Variants in MAP3K13 observed in about 807,000 individuals in gnomAD.
MAP3K13 encodes the protein leucine zipper-bearing kinase.
A neutral mutation model predicts 104.0 loss-of-function variants in MAP3K13; 52 were observed. That is an observed-to-expected ratio of 0.50 (90% CI 0.40 to 0.63). The LOEUF (loss-of-function observed/expected upper bound fraction) is 0.63, where lower values mean the gene tolerates loss of function less well. Ranked by LOEUF, MAP3K13 falls within the 20% of genes least tolerant of loss-of-function variation. The pLI is 0.00. For missense variants in MAP3K13, 914 were observed against 1,218.5 expected (o/e 0.75, Z 3.72); for synonymous variants, 394 against 442.2 (o/e 0.89, Z 1.37).
intron 3 of MAP3K13, among the ~76,000 whole-genome samples, chr3:185,442,552 GAGAC>G (rs1378040138): frequency 2.3e-5 from 3 of 131,168 alleles, no homozygotes; most frequent in Non-Finnish European, 3.3e-5. Context: ...TTTTTTTTCT[GAGAC>G]AGAGTCTCAC....
At chr3:185,326,511 C>T (rs1259140736) in intron 2 of MAP3K13, among the ~76,000 whole-genome samples, 2 of 152,122 alleles carry the variant, frequency 1.3e-5, no homozygotes, top group African/African-American at 4.8e-5. Context: ...TTACTATGTT[C>T]CAGGCACAGG....
At chr3:185,465,943 G>A in intron 9 of MAP3K13, 80 bp downstream of exon 9, 1 of 1,026,074 alleles carries the variant, frequency 9.7e-7, no homozygotes, top group South Asian at 1.3e-5. Flanking sequence ...CCATGTTGCT[G>A]CTACTCAGAA....
chr3:185,343,782 TA>T (rs1287915526), intron 2 of MAP3K13, among the ~76,000 whole-genome samples: 1 of 152,094 alleles, frequency 6.6e-6, no homozygotes, highest in East Asian at 1.9e-4. Flanking sequence ...AATGGAATAA[TA>T]AAAATCAGGA....
rs528497643 is a variant in MAP3K13, at chr3:185,464,433, C to T, written c.1388+774C>T. On this transcript the variant is annotated intron_variant, in intron 8 of 13. Coordinates refer to ENST00000265026, the MANE Select transcript of MAP3K13 (RefSeq NM_004721.5). ...GGTGGAGGTAACTGGATCTTGGGGG[C>T]GGCTTCCCCCATGCTGTTTTTGTGA... is the stretch of plus-strand genomic sequence containing the variant. Among the ~76,000 whole-genome samples, 22 of 152,232 alleles carry T rather than the reference C, an allele frequency of 1.4e-4. No homozygotes were observed. The South Asian group carries it at 2.5e-3, about 17-fold the overall frequency.
chr3:185,387,362 CCTCT>C (rs1391560448), intron 1 of MAP3K13, among the ~76,000 whole-genome samples: 1 of 152,070 alleles, frequency 6.6e-6, no homozygotes, highest in Non-Finnish European at 1.5e-5. Flanking sequence ...TCTGTTGCTT[CCTCT>C]CTCTCTATGT....
intron 1 of MAP3K13, among the ~76,000 whole-genome samples, chr3:185,370,485 T>G (rs11707742): frequency 6.6e-6 from 1 of 151,692 alleles, no homozygotes; most frequent in Non-Finnish European, 1.5e-5. Flanking sequence ...CGTGACCCAC[T>G]GCGCCCGGTC....
intron 1 of MAP3K13, among the ~76,000 whole-genome samples, chr3:185,425,167 A>C (rs1446282729): frequency 2.0e-5 from 3 of 152,018 alleles, no homozygotes; most frequent in Non-Finnish European, 4.4e-5. Flanking sequence ...CTTTCTTCCA[A>C]TCTCTCTCTA....
At chr3:185,376,374 G>A (rs1484367697) in intron 1 of MAP3K13, among the ~76,000 whole-genome samples, 2 of 152,052 alleles carry the variant, frequency 1.3e-5, no homozygotes, top group African/African-American at 2.4e-5. Context: ...TGATTTTGAG[G>A]GCCTCTAAAA....
chr3:185,461,708 G>A (rs1421895073), intron 7 of MAP3K13, among the ~76,000 whole-genome samples: 1 of 151,962 alleles, frequency 6.6e-6, no homozygotes, highest in Non-Finnish European at 1.5e-5. Flanking sequence ...CATTGCAGGG[G>A]CAGGCCACCA....
At chr3:185,385,295 C>T (rs1175956208) in intron 1 of MAP3K13, among the ~76,000 whole-genome samples, 1 of 152,134 alleles carries the variant, frequency 6.6e-6, no homozygotes, top group Non-Finnish European at 1.5e-5. Flanking sequence ...GGATTACAGG[C>T]ATGCACCACC....
rs115081362 is a variant in MAP3K13, at chr3:185,394,009, G to T, written c.-86+30641G>T. On this transcript the variant is annotated intron_variant, in intron 1 of 13. Coordinates refer to ENST00000265026, the MANE Select transcript of MAP3K13 (RefSeq NM_004721.5). ...CAAGTGTGGCCACTTATTCAAGGAG[G>T]TTGAGGGGGCATTTAGCCAAGATGT... 1.2e-3 allele frequency among the ~76,000 whole-genome samples: 179 copies of T among 152,272 alleles called. 1 individual carries two copies. The highest frequency in any genetic ancestry group is 4.0e-3 in the African/African-American group (166 of 41,560).
At position 185,423,891 on chromosome 3, in the gene MAP3K13, C is replaced by G. The variant is rs1449858101; in HGVS notation, c.-85-4606C>G. ...TCCCGCTTCCCTGCCTCTGCCAGTGCTCTTGTTCGCCCCTGATTTCCTTCC... is the reference window on the plus strand; with the variant it reads ...TCCCGCTTCCCTGCCTCTGCCAGTGGTCTTGTTCGCCCCTGATTTCCTTCC... On this transcript the variant is annotated intron_variant, in intron 1 of 13. Transcript: ENST00000265026. This position sits in a 1 kb window ranked among gnomAD's most constrained non-coding sequence, Gnocchi z 4.1. Among the ~76,000 whole-genome samples the G allele has an allele frequency of 6.6e-6, 1 of 152,192 alleles. No homozygotes were observed. Among genetic ancestry groups the G allele is most frequent in the East Asian group, 1.9e-4 (1 of 5,196 alleles).
chr3:185,367,720 C>T (rs916615158), intron 1 of MAP3K13, among the ~76,000 whole-genome samples: 30 of 151,932 alleles, frequency 2.0e-4, no homozygotes, highest in Non-Finnish European at 2.8e-4. Flanking sequence ...CCTCAGGCTC[C>T]GAATACCTGG....
chr3:185,371,808 G>C (rs1724176321), intron 1 of MAP3K13, among the ~76,000 whole-genome samples: 1 of 152,074 alleles, frequency 6.6e-6, no homozygotes, highest in South Asian at 2.1e-4. Context: ...GTCCTAAAGG[G>C]GGGCTGTCAC....
intron 1 of MAP3K13, among the ~76,000 whole-genome samples, chr3:185,388,789 A>G (rs1017508388): frequency 5.3e-5 from 8 of 152,212 alleles, no homozygotes; most frequent in Admixed American, 4.6e-4. Flanking sequence ...AAAATACACT[A>G]CAAAGGCATA....
At chr3:185,327,104 C>T (rs1380840926) in intron 2 of MAP3K13, among the ~76,000 whole-genome samples, 2 of 152,112 alleles carry the variant, frequency 1.3e-5, no homozygotes, top group African/African-American at 4.8e-5. Flanking sequence ...GTCATCAGGG[C>T]GGACACTCTG....
intron 1 of MAP3K13, among the ~76,000 whole-genome samples, chr3:185,378,493 G>A (rs899740383): frequency 2.6e-5 from 4 of 152,138 alleles, no homozygotes; most frequent in Non-Finnish European, 4.4e-5. Flanking sequence ...GGCTAGTCAC[G>A]GAATGAAACT....
At chr3:185,311,155 G>A (rs79854067) in intron 2 of MAP3K13, among the ~76,000 whole-genome samples, 347 of 152,068 alleles carry the variant, frequency 2.3e-3, no homozygotes, top group Middle Eastern at 6.8e-3. Context: ...TCCTCCTTTC[G>A]TAGTTAATCC....
Position 185,482,328 on chromosome 3 carries a change from A to C in MAP3K13, c.2800-27A>C. 1 of 1,497,992 alleles carries C rather than the reference A, an allele frequency of 6.7e-7. No individual in the cohort carries two copies. The highest frequency in any genetic ancestry group is 1.4e-5 in the African/African-American group (1 of 72,766). 92.8% of individuals were successfully genotyped at this position (1,497,992 alleles called of 1,614,324 possible). A position where few individuals can be genotyped will look rare whatever the true frequency, so the allele number is the denominator to read the frequency against. On this transcript the variant is annotated intron_variant, in intron 13 of 13. Coordinates refer to ENST00000265026, the MANE Select transcript of MAP3K13 (RefSeq NM_004721.5). This position sits in a 1 kb window ranked among gnomAD's most constrained non-coding sequence, Gnocchi z 4.5. Reference sequence around the variant, plus strand: ...TATTTACTGAGTGATTATCGAAATGAATTAAGGTTTTGTCTTGCCTTTGCA... The same window carrying C: ...TATTTACTGAGTGATTATCGAAATGCATTAAGGTTTTGTCTTGCCTTTGCA...
Sources: allele counts gnomAD v4.1 joint callset (sites outside exome capture counted in the v4.1 genomes callset), GRCh38; gene constraint gnomAD v4.1.1; non-coding constraint Gnocchi (gnomAD v3.1); transcripts MANE v1.5; gene names NCBI Gene and HGNC (gene_info 2026-07-23, HGNC 2026-07-21).